The following EXT2 variants were observed in gnomAD, a reference collection of about 807,000 sequenced individuals.
The protein encoded by EXT2 is exostosin glycosyltransferase 2.
EXT2 carries 53 observed loss-of-function variants against 81.6 expected under a neutral mutation model. The observed-to-expected ratio is 0.65, with a 90% CI of 0.52 to 0.82. The LOEUF (loss-of-function observed/expected upper bound fraction) is 0.82. EXT2 is among the 40% of genes least tolerant of loss of function. The pLI, the probability that EXT2 is intolerant of heterozygous loss-of-function variation, is 0.00. For synonymous variants in EXT2, 320 were observed against 340.0 expected (o/e 0.94, Z 0.65); for missense variants, 774 against 910.2 (o/e 0.85, Z 1.93).
In EXT2 at chr11:44,159,606, G is replaced by A. The variant is rs548079590; in HGVS notation, c.1174-12005G>A. ...TAATCATAATTGTTTTAAATTTCTG[G>A]TCTGGTAATTTCAGCATCTCTGCCA... On this transcript the variant is annotated intron_variant, in intron 7 of 13. Coordinates refer to ENST00000533608, the MANE Select transcript of EXT2 (RefSeq NM_207122.2). 4.6e-5 allele frequency among the ~76,000 whole-genome samples: 7 copies of A among 152,014 alleles called. No individual in the cohort carries two copies. The South Asian group carries it at 1.5e-3, about 32-fold the overall frequency.
chr11:44,224,890 C>T (rs1003162506), intron 10 of EXT2, among the ~76,000 whole-genome samples: 1 of 151,948 alleles, frequency 6.6e-6, no homozygotes, highest in Non-Finnish European at 1.5e-5. Flanking sequence ...TTTTGAAGGC[C>T]CAATAATAGT....
intron 10 of EXT2, among the ~76,000 whole-genome samples, chr11:44,223,097 A>G (rs1426337007): frequency 2.0e-5 from 3 of 152,250 alleles, no homozygotes; most frequent in African/African-American, 7.2e-5. Flanking sequence ...ACCTATAAGA[A>G]TGGCTAAAGT....
At chr11:44,134,474 AT>A (rs1258577496) in intron 7 of EXT2, among the ~76,000 whole-genome samples, 1 of 152,170 alleles carries the variant, frequency 6.6e-6, no homozygotes, top group Admixed American at 6.6e-5. Flanking sequence ...GTCAGGATGA[AT>A]TTCTTGGAGA....
chr11:44,149,598 A>C (rs1954766098), intron 7 of EXT2, among the ~76,000 whole-genome samples: 1 of 152,202 alleles, frequency 6.6e-6, no homozygotes, highest in African/African-American at 2.4e-5. Context: ...CACTATTTTG[A>C]TATCAGAAAG....
intron 2 of EXT2, 151 bp downstream of exon 2, chr11:44,108,399 T>A: frequency 1.2e-6 from 1 of 857,508 alleles, no homozygotes; most frequent in Non-Finnish European, 1.9e-6. Context: ...AGGGACTGAC[T>A]TGCAGCATGA....
At chr11:44,177,042 A>C (rs938604788) in intron 8 of EXT2, among the ~76,000 whole-genome samples, 3 of 152,134 alleles carry the variant, frequency 2.0e-5, no homozygotes, top group African/African-American at 7.2e-5. Context: ...GGGTGATGAC[A>C]TTATCCACGT....
rs796810298 is a variant in EXT2, at chr11:44,110,159, A to ATAAT, written c.626+876_626+877insTAAT. Among the ~76,000 whole-genome samples, 11 of 152,358 alleles carry ATAAT rather than the reference A, an allele frequency of 7.2e-5. 1 individual carries two copies. Among genetic ancestry groups the ATAAT allele is most frequent in the African/African-American group, 2.4e-4 (10 of 41,582 alleles). ...TGAAAAGGTAACAGCCTGAGGTATT[A>ATAAT]GCCTGAGAACAGCCTGAGGCTAGTT... On this transcript the variant is annotated intron_variant, in intron 3 of 13. Transcript: ENST00000533608.
chr11:44,127,991 T>C (rs1954434083), intron 6 of EXT2, among the ~76,000 whole-genome samples: 1 of 152,250 alleles, frequency 6.6e-6, no homozygotes, highest in South Asian at 2.1e-4. Context: ...GTGAAGGTTG[T>C]TGAAAATTAA....
In EXT2 at chr11:44,119,153, T is replaced by TAC. The variant is rs1565201217; in HGVS notation, c.743+4853_743+4854insCA. Reference sequence around the variant, plus strand: ...ATATATATATATATATATATATATATATATATATATATATATACACATACA... The same window carrying TAC: ...ATATATATATATATATATATATATATACATATATATATATATATACACATACA... On this transcript the variant is annotated intron_variant, in intron 4 of 13. Coordinates refer to ENST00000533608, the MANE Select transcript of EXT2 (RefSeq NM_207122.2). 8.8e-3 allele frequency among the ~76,000 whole-genome samples: 828 copies of TAC among 94,612 alleles called. 42 individuals are homozygous for TAC. Among genetic ancestry groups the TAC allele is most frequent in the Non-Finnish European group, 0.013 (677 of 50,360 alleles). The allele number at this position is 94,612 out of a possible 152,430, so 62.1% of individuals were successfully genotyped here.
At chr11:44,149,115 A>G (rs957684165) in intron 7 of EXT2, among the ~76,000 whole-genome samples, 1 of 152,188 alleles carries the variant, frequency 6.6e-6, no homozygotes, top group African/African-American at 2.4e-5. Context: ...TAATCCCAGC[A>G]CTTTGGGAGG....
At chr11:44,235,101 GC>G (rs950819572) in intron 12 of EXT2, among the ~76,000 whole-genome samples, 2 of 151,842 alleles carry the variant, frequency 1.3e-5, no homozygotes, top group African/African-American at 4.8e-5. Flanking sequence ...CACCAAACTT[GC>G]CCCAGTTCAC....
intron 11 of EXT2, among the ~76,000 whole-genome samples, chr11:44,233,429 T>G (rs562544488): frequency 1.3e-5 from 2 of 152,232 alleles, no homozygotes; most frequent in Non-Finnish European, 2.9e-5. Flanking sequence ...GTACTTCCTC[T>G]CTTCTGGGAA....
intron 8 of EXT2, among the ~76,000 whole-genome samples, chr11:44,186,982 TTTCCTTCCTTCCTTCCTTCCTTCC>T (rs71035681): frequency 6.7e-4 from 53 of 78,846 alleles, no homozygotes; most frequent in Non-Finnish European, 9.0e-4. Context: ...TTGTACAAAA[TTTCCTTCCTTCCTTCCTTCCTTCC>T]TTCCTTCCTT....
rs1002763968 is a variant in EXT2 at position 44,176,752 on chromosome 11, C to T, written c.1305+5010C>T. On this transcript the variant is annotated intron_variant, in intron 8 of 13. Coordinates refer to ENST00000533608, the MANE Select transcript of EXT2 (RefSeq NM_207122.2). ...ATCAAATTTATGATGTCTGACATTC[C>T]GAGGTGGGAGTAGGTGTGGATCTTG... 2.6e-5 allele frequency among the ~76,000 whole-genome samples: 4 copies of T among 152,056 alleles called. No homozygotes were observed. The East Asian group carries it at 5.8e-4, about 22-fold the overall frequency.
In EXT2 at chr11:44,175,181, C is replaced by T. The variant is rs533286413; in HGVS notation, c.1305+3439C>T. ...AATGCAGATGAAAATTAATAGAGGA[C>T]ACATTTGAGTGGTATCTGGAAAAAT... On this transcript the variant is annotated intron_variant, in intron 8 of 13. Coordinates refer to ENST00000533608, the MANE Select transcript of EXT2 (RefSeq NM_207122.2). Among the ~76,000 whole-genome samples the T allele has an allele frequency of 6.6e-5, 10 of 152,186 alleles. No homozygotes were observed. In the East Asian group the frequency reaches 1.9e-3, roughly 29 times the overall value.
At chr11:44,126,746 T>C (rs1219693695) in intron 5 of EXT2, 70 bp from the exon 6 acceptor site, 1 of 1,601,324 alleles carries the variant, frequency 6.2e-7, no homozygotes, top group Non-Finnish European at 8.6e-7. Context: ...AACTTTGTGG[T>C]CTGTAGGGAT....
At chr11:44,229,346 G>A (rs1185025741) in intron 10 of EXT2, among the ~76,000 whole-genome samples, 1 of 152,190 alleles carries the variant, frequency 6.6e-6, no homozygotes, top group Non-Finnish European at 1.5e-5. Context: ...AGCATTACAC[G>A]TCTGAGAAAA....
chr11:44,242,681 A>G (rs1224839320), intron 13 of EXT2, among the ~76,000 whole-genome samples: 1 of 152,232 alleles, frequency 6.6e-6, no homozygotes, highest in East Asian at 1.9e-4. Context: ...TAAGCAATCC[A>G]TGAGATATGT....
At chr11:44,172,368 G>T (rs926345521) in intron 8 of EXT2, among the ~76,000 whole-genome samples, 10 of 152,138 alleles carry the variant, frequency 6.6e-5, no homozygotes, top group Non-Finnish European at 1.0e-4. Context: ...AACTGTGGCA[G>T]TGGCTTCTAG....
Sources: allele counts gnomAD v4.1 joint callset (sites outside exome capture counted in the v4.1 genomes callset), GRCh38; gene constraint gnomAD v4.1.1; transcripts MANE v1.5; gene names NCBI Gene and HGNC (gene_info 2026-07-23, HGNC 2026-07-21).